Variants in RNF111 observed in about 807,000 individuals in gnomAD.
RNF111 encodes the protein ring finger protein 111.
RNF111 carries 17 observed loss-of-function variants against 95.1 expected under a neutral mutation model. The ratio of observed to expected loss-of-function variants is 0.18; its 90% CI spans 0.12 to 0.27. The LOEUF is 0.27. Ranked by LOEUF, RNF111 falls within the 10% of genes least tolerant of loss-of-function variation. RNF111 has a pLI of 1.00. For missense variants in RNF111, 1,189 were observed against 1,210.4 expected (o/e 0.98, Z 0.26); for synonymous variants, 440 against 414.8 (o/e 1.06, Z -0.74).
At position 59,096,051 on chromosome 15, in the gene RNF111, A is replaced by G; in HGVS notation, c.*1151A>G. 1 of 398,670 alleles carries G rather than the reference A, an allele frequency of 2.5e-6. No individual in the cohort carries two copies. Among genetic ancestry groups the G allele is most frequent in the Non-Finnish European group, 4.4e-6 (1 of 225,864 alleles). 24.7% of individuals were successfully genotyped at this position (398,670 alleles called of 1,614,324 possible). ...ATTATACTGTCAACCTACTGTTGCT[A>G]TGGTTATATACTCCCACTTCATACA... On this transcript the variant is annotated 3_prime_UTR_variant, in exon 14 of 14. Coordinates refer to ENST00000348370, the MANE Select transcript of RNF111 (RefSeq NM_017610.8).
At chr15:59,090,527 G>GC (rs1437227269) in intron 11 of RNF111, among the ~76,000 whole-genome samples, 1 of 152,132 alleles carries the variant, frequency 6.6e-6, no homozygotes, top group Non-Finnish European at 1.5e-5. Context: ...ACCGCACCCG[G>GC]CCCCCGTTGT....
At chr15:59,004,887 C>T (rs931567261) in intron 1 of RNF111, among the ~76,000 whole-genome samples, 25 of 152,268 alleles carry the variant, frequency 1.6e-4, no homozygotes, top group African/African-American at 5.8e-4. Context: ...TAGAATCTGA[C>T]AGCATAGTAA....
intron 8 of RNF111, among the ~76,000 whole-genome samples, chr15:59,081,863 C>G (rs1197677649): frequency 6.6e-6 from 1 of 152,062 alleles, no homozygotes; most frequent in African/African-American, 2.4e-5. Flanking sequence ...CTCGTCTCCA[C>G]CAAAAAAAGG....
intron 6 of RNF111, among the ~76,000 whole-genome samples, chr15:59,074,981 G>A (rs559374841): frequency 1.3e-5 from 2 of 152,264 alleles, no homozygotes; most frequent in Admixed American, 1.3e-4. Context: ...CAGGGTAATG[G>A]GGAAACATCT....
chr15:59,047,630 C>T (rs1338553173), intron 2 of RNF111, among the ~76,000 whole-genome samples: 1 of 151,940 alleles, frequency 6.6e-6, no homozygotes, highest in East Asian at 1.9e-4. Context: ...GGCTGGAGTG[C>T]AGTGGTGCCA....
chr15:59,018,312 C>T (rs1270841658), intron 1 of RNF111, among the ~76,000 whole-genome samples: 1 of 152,086 alleles, frequency 6.6e-6, no homozygotes, highest in East Asian at 1.9e-4. Flanking sequence ...TGAGTTTCTG[C>T]CCTATTCTGT....
intron 1 of RNF111, among the ~76,000 whole-genome samples, chr15:59,022,996 C>T (rs758705363): frequency 6.6e-6 from 1 of 152,190 alleles, no homozygotes; most frequent in Non-Finnish European, 1.5e-5. Flanking sequence ...CCTGTAATCC[C>T]AGCACTTTGG....
intron 1 of RNF111, among the ~76,000 whole-genome samples, chr15:58,995,936 G>A (rs1307517600): frequency 6.6e-6 from 1 of 151,888 alleles, no homozygotes; most frequent in Non-Finnish European, 1.5e-5. Flanking sequence ...TTATATACAG[G>A]AATAATCTTT....
Position 59,095,915 on chromosome 15 carries a change from A to G in RNF111, c.*1015A>G. On this transcript the variant is annotated 3_prime_UTR_variant, in exon 14 of 14. Transcript: ENST00000348370. ...TATAAAGGTCCCAGGATCACTTTTA[A>G]GGGATTTTTATTAGTTTAAAGGTAA... The G allele has an allele frequency of 2.5e-6, 1 of 397,704 alleles. No individual in the cohort carries two copies. The highest frequency in any genetic ancestry group is 2.1e-5 in the African/African-American group (1 of 48,720). 24.6% of individuals were successfully genotyped at this position (397,704 alleles called of 1,614,324 possible).
intron 7 of RNF111, among the ~76,000 whole-genome samples, chr15:59,079,217 A>C (rs2078664096): frequency 6.6e-6 from 1 of 152,234 alleles, no homozygotes; most frequent in Non-Finnish European, 1.5e-5. Flanking sequence ...AATATTTGTG[A>C]ATGTTGTATA....
chr15:59,031,036 C>G lies in RNF111; in HGVS notation c.214C>G (p.Gln72Glu). The change falls in exon 2 of 14, where the codon CAA becomes GAA. Residue 72 changes from glutamine (Q) to glutamate (E), a missense_variant. This residue lies in a region of RNF111 where 1,024 missense variants were observed against 925.9 expected (regional missense o/e 1.11). Coordinates refer to ENST00000348370, the MANE Select transcript of RNF111 (RefSeq NM_017610.8). ...ATTCTCTCACCTGTGTGATGATTCTCAAAAGCAAGAGAAGGAAATGAATGG... is the reference window on the plus strand; with the variant it reads ...ATTCTCTCACCTGTGTGATGATTCTGAAAAGCAAGAGAAGGAAATGAATGG... ...NEFSHLCDDSQKQEKEMNGNQ... is the reference protein window; with the variant it reads ...NEFSHLCDDSEKQEKEMNGNQ... 5 of 1,614,076 alleles carry G rather than the reference C, an allele frequency of 3.1e-6. No homozygotes were observed. The highest frequency in any genetic ancestry group is 4.2e-6 in the Non-Finnish European group (5 of 1,180,030).
intron 1 of RNF111, among the ~76,000 whole-genome samples, chr15:58,997,148 A>G (rs2039111957): frequency 6.6e-6 from 1 of 152,142 alleles, no homozygotes; most frequent in Non-Finnish European, 1.5e-5. Flanking sequence ...GGTACAAAGA[A>G]TGTACAGGGA....
chr15:59,070,667 C>A (rs181545481), intron 6 of RNF111, among the ~76,000 whole-genome samples: 1 of 152,136 alleles, frequency 6.6e-6, no homozygotes. Flanking sequence ...ATAAATAATA[C>A]AAAAGAAAGG....
chr15:59,044,942 A>C (rs1171531703), intron 2 of RNF111, among the ~76,000 whole-genome samples: 2 of 152,196 alleles, frequency 1.3e-5, no homozygotes, highest in Non-Finnish European at 2.9e-5. Context: ...CAAGTTATGC[A>C]TAAAGTCCTT....
intron 1 of RNF111, among the ~76,000 whole-genome samples, chr15:59,025,076 C>G (rs1049248461): frequency 2.0e-5 from 3 of 152,222 alleles, no homozygotes; most frequent in African/African-American, 7.2e-5. Flanking sequence ...CTTCAGTGGA[C>G]ACTTGAGATG....
chr15:59,092,611 G>A lies in RNF111; in HGVS notation c.2814G>A (p.Leu938=). 1 of 1,612,012 alleles carries A rather than the reference G, an allele frequency of 6.2e-7. No homozygotes were observed. The highest frequency in any genetic ancestry group is 8.5e-7 in the Non-Finnish European group (1 of 1,178,636). The part of the protein sequence containing the change: ...EDTEEKCTIC[L]SILEEGEDVR... ...CAGAGGAAAAATGTACTATCTGTTT[G>A]TCTATTTTAGAGGAAGGTGAAGATG... The change falls in exon 13 of 14, where the codon TTG becomes TTA. Residue 938 remains leucine, a synonymous_variant. Transcript: ENST00000348370.
chr15:59,091,278 T>G (rs2079044724), intron 12 of RNF111, 124 bp downstream of exon 12: 6 of 521,400 alleles, frequency 1.2e-5, no homozygotes, highest in Admixed American at 3.8e-5. Context: ...ACATATTGTT[T>G]AAAAATTTTG....
chr15:59,071,941 C>T (rs1012406087), intron 6 of RNF111, among the ~76,000 whole-genome samples: 2 of 152,106 alleles, frequency 1.3e-5, no homozygotes, highest in Non-Finnish European at 2.9e-5. Flanking sequence ...TTAATATTTA[C>T]ACTGTACTAA....
intron 2 of RNF111, among the ~76,000 whole-genome samples, chr15:59,035,424 G>T (rs192177713): frequency 7.4e-4 from 112 of 152,286 alleles, no homozygotes; most frequent in Admixed American, 2.1e-3. Context: ...TTCTGCATAT[G>T]AGCCTGTAAA....
Sources: gnomAD v4.1 joint callset for allele counts (sites outside exome capture counted in the v4.1 genomes callset) on GRCh38, gnomAD v4.1.1 for gene constraint, gnomAD v4.1.1 regional missense constraint, MANE v1.5 for transcripts, NCBI Gene and HGNC (gene_info 2026-07-23, HGNC 2026-07-21) for gene names.